Variants in ACSS3 observed in about 807,000 individuals in gnomAD.
The protein encoded by ACSS3 is acyl-CoA synthetase short-chain family member 3, mitochondrial.
ACSS3 carries 64 observed loss-of-function variants against 84.2 expected under a neutral mutation model. That is an observed-to-expected ratio of 0.76 (90% CI 0.62 to 0.94). The LOEUF (loss-of-function observed/expected upper bound fraction) is 0.94, where lower values mean the gene tolerates loss of function less well. ACSS3 is among the 40% of genes least tolerant of loss of function. The pLI, the probability that ACSS3 is intolerant of heterozygous loss-of-function variation, is 0.00. For synonymous variants in ACSS3, 317 were observed against 310.1 expected, an observed-to-expected ratio of 1.02 and a Z score of -0.23; for missense variants, 815 against 867.6, an observed-to-expected ratio of 0.94 and a Z score of 0.76.
At chr12:81,096,366 C>T (rs1593033089) in intron 1 of ACSS3, among the ~76,000 whole-genome samples, 1 of 152,124 alleles carries the variant, frequency 6.6e-6, no homozygotes, top group African/African-American at 2.4e-5. Flanking sequence ...AATGAACTAG[C>T]ATGTGGTCCC....
intron 10 of ACSS3, among the ~76,000 whole-genome samples, chr12:81,219,389 T>A (rs956094124): frequency 1.4e-4 from 22 of 152,148 alleles, no homozygotes; most frequent in African/African-American, 5.3e-4. Context: ...TGAGGCCACA[T>A]AAATAATCTA....
At chr12:81,190,033 T>A (rs1449261743) in intron 8 of ACSS3, among the ~76,000 whole-genome samples, 1 of 152,202 alleles carries the variant, frequency 6.6e-6, no homozygotes, top group African/African-American at 2.4e-5. Flanking sequence ...GCCTACTTGT[T>A]TGTATTCACA....
chr12:81,223,341 A>G (rs1464695383), intron 11 of ACSS3, among the ~76,000 whole-genome samples: 1 of 152,072 alleles, frequency 6.6e-6, no homozygotes, highest in Non-Finnish European at 1.5e-5. Flanking sequence ...TTCTTCAGAT[A>G]TGGTTAACGA....
chr12:81,243,241 A>G (rs77746856), intron 13 of ACSS3, among the ~76,000 whole-genome samples: 4,415 of 152,294 alleles, frequency 0.029, 104 homozygotes, highest in South Asian at 0.049. Flanking sequence ...CCAAATCATG[A>G]GTGAACTCCC....
rs1162081789 is a variant in ACSS3, at chr12:81,178,328, G to T, written c.1250+3389G>T. On this transcript the variant is annotated intron_variant, in intron 8 of 15. Coordinates refer to ENST00000548058, the MANE Select transcript of ACSS3 (RefSeq NM_024560.4). ...GGGGACTGTTGTGGGATGGGGGGAG[G>T]GGGCAGGGATAGCATTAGGAGATAT... 1.4e-5 allele frequency among the ~76,000 whole-genome samples: 2 copies of T among 143,596 alleles called. 1 individual carries two copies. The highest frequency in any genetic ancestry group is 3.1e-5 in the Non-Finnish European group (2 of 65,014). 94.2% of individuals were successfully genotyped at this position (143,596 alleles called of 152,430 possible).
intron 9 of ACSS3, among the ~76,000 whole-genome samples, chr12:81,209,050 C>A (rs185295710): frequency 1.3e-5 from 2 of 152,044 alleles, no homozygotes; most frequent in Admixed American, 1.3e-4. Context: ...TTCCTGGAGT[C>A]CTCTATTTTT....
intron 2 of ACSS3, among the ~76,000 whole-genome samples, chr12:81,113,335 A>T (rs1049439986): frequency 6.6e-6 from 1 of 152,066 alleles, no homozygotes; most frequent in African/African-American, 2.4e-5. Flanking sequence ...TTTCCTCCAG[A>T]TATCTTATGG....
intron 13 of ACSS3, among the ~76,000 whole-genome samples, chr12:81,235,647 G>T (rs562930274): frequency 6.6e-6 from 1 of 151,330 alleles, no homozygotes; most frequent in East Asian, 1.9e-4. Context: ...GATTTCTTTG[G>T]TATGTTTCTT....
chr12:81,231,214 C>A, intron 12 of ACSS3, 76 bp downstream of exon 12: 3 of 1,222,112 alleles, frequency 2.5e-6, no homozygotes, highest in Non-Finnish European at 3.4e-6. Flanking sequence ...GAGAAACTTG[C>A]TCCTAGAATC....
intron 13 of ACSS3, among the ~76,000 whole-genome samples, chr12:81,234,642 T>C (rs2033572928): frequency 6.6e-6 from 1 of 151,488 alleles, no homozygotes; most frequent in African/African-American, 2.4e-5. Flanking sequence ...ATTTCTGTAA[T>C]AACTAGTGAT....
intron 3 of ACSS3, among the ~76,000 whole-genome samples, chr12:81,137,356 CA>C (rs1885862420): frequency 7.4e-5 from 11 of 147,866 alleles, no homozygotes; most frequent in Admixed American, 7.4e-4. Flanking sequence ...CACACACACA[CA>C]CACACACCCC....
chr12:81,259,732 T>C lies in ACSS3; in HGVS notation c.*4810T>C. ...TGGGAAATCTCATTCTACTCCTCTGTGGTGTACCTCCACGCAGCCTGCTTA... is the reference window on the plus strand; with the variant it reads ...TGGGAAATCTCATTCTACTCCTCTGCGGTGTACCTCCACGCAGCCTGCTTA... On this transcript the variant is annotated 3_prime_UTR_variant, in exon 16 of 16. Transcript: ENST00000548058. 2 of 1,367,830 alleles carry C rather than the reference T, an allele frequency of 1.5e-6. No homozygotes were observed. Among genetic ancestry groups the C allele is most frequent in the East Asian group, 2.5e-5 (1 of 39,956 alleles). The allele number at this position is 1,367,830 out of a possible 1,614,324, so 84.7% of individuals were successfully genotyped here. A position where few individuals can be genotyped will look rare whatever the true frequency, so the allele number is the denominator to read the frequency against.
intron 7 of ACSS3, among the ~76,000 whole-genome samples, chr12:81,173,309 T>C (rs2030217672): frequency 6.6e-6 from 1 of 152,168 alleles, no homozygotes; most frequent in Non-Finnish European, 1.5e-5. Context: ...TTGATTTGTA[T>C]GAAGAGTAAT....
At position 81,258,479 on chromosome 12, in the gene ACSS3, A is replaced by G. The variant is rs2034427860; in HGVS notation, c.*3557A>G. ...AGCAGTTAGATAAATGGTATTATTA[A>G]ATAGGCTTTACTTTGAATCTCCCAT... is the stretch of plus-strand genomic sequence containing the variant. On this transcript the variant is annotated 3_prime_UTR_variant, in exon 16 of 16. Coordinates refer to ENST00000548058, the MANE Select transcript of ACSS3 (RefSeq NM_024560.4). 1 of 152,318 alleles carries G rather than the reference A, an allele frequency of 6.6e-6. No homozygotes were observed. Among genetic ancestry groups the G allele is most frequent in the African/African-American group, 2.4e-5 (1 of 41,584 alleles). The allele number at this position is 152,318 out of a possible 1,614,324, so 9.4% of individuals were successfully genotyped here. A position where few individuals can be genotyped will look rare whatever the true frequency, so the allele number is the denominator to read the frequency against.
intron 1 of ACSS3, among the ~76,000 whole-genome samples, chr12:81,084,941 A>G (rs940818014): frequency 1.3e-5 from 2 of 152,232 alleles, no homozygotes; most frequent in Non-Finnish European, 1.5e-5. Flanking sequence ...AAAACATTCC[A>G]TGAGGATATT....
At chr12:81,242,417 T>G (rs989196212) in intron 13 of ACSS3, among the ~76,000 whole-genome samples, 1 of 151,324 alleles carries the variant, frequency 6.6e-6, no homozygotes, top group African/African-American at 2.4e-5. Context: ...ACAGCCAAAT[T>G]CTACCAGAGG....
At chr12:81,157,410 A>G (rs1436819083) in intron 7 of ACSS3, among the ~76,000 whole-genome samples, 1 of 152,232 alleles carries the variant, frequency 6.6e-6, no homozygotes, top group African/African-American at 2.4e-5. Context: ...ATACCTAATC[A>G]TAAAAGCCTG....
rs575539213 is a variant in ACSS3 at position 81,159,790 on chromosome 12, T to G, written c.1098+7694T>G. On this transcript the variant is annotated intron_variant, in intron 7 of 15. Transcript: ENST00000548058. ...AGCCTAGTGTGTATGCGCATTCACA[T>G]GTGTGTGATGGCAAATGGTGATTAT... Among the ~76,000 whole-genome samples, 5 of 152,362 alleles carry G rather than the reference T, an allele frequency of 3.3e-5. No individual in the cohort carries two copies. The East Asian group carries it at 7.7e-4, about 23-fold the overall frequency.
At chr12:81,104,287 C>T (rs1466720426) in intron 1 of ACSS3, among the ~76,000 whole-genome samples, 2 of 151,940 alleles carry the variant, frequency 1.3e-5, no homozygotes, top group Non-Finnish European at 2.9e-5. Flanking sequence ...TTTTAAAAAG[C>T]CCCAATAAAA....
Sources: gnomAD v4.1 joint callset for allele counts (sites outside exome capture counted in the v4.1 genomes callset) on GRCh38, gnomAD v4.1.1 for gene constraint, MANE v1.5 for transcripts, NCBI Gene and HGNC (gene_info 2026-07-23, HGNC 2026-07-21) for gene names.